Variants in DMAC2L observed in about 807,000 individuals in gnomAD.
DMAC2L encodes ATP synthase subunit s, mitochondrial.
DMAC2L carries 21 observed loss-of-function variants against 22.5 expected under a neutral mutation model. The ratio of observed to expected loss-of-function variants is 0.93; its 90% CI spans 0.66 to 1.34. The LOEUF (loss-of-function observed/expected upper bound fraction) is 1.34, where lower values mean the gene tolerates loss of function less well. Ranked by LOEUF, DMAC2L falls within the 40% of genes most tolerant of loss-of-function variation. DMAC2L has a pLI of 0.00. For synonymous variants in DMAC2L, 86 were observed against 89.5 expected (o/e 0.96, Z 0.22); for missense variants, 239 against 246.5 (o/e 0.97, Z 0.20).
In DMAC2L at chr14:50,312,386, C is replaced by G. The variant is rs2031302703; in HGVS notation, c.-45C>G. The stretch of plus-strand genomic sequence containing the variant: ...TCGCTCCCTCCCTCCCTCCCTCCGA[C>G]GCTGTGAGTAGAGAAGCTAGGCCCC... On this transcript the variant is annotated 5_prime_UTR_variant, in exon 1 of 6. Coordinates refer to ENST00000557421, the MANE Select transcript of DMAC2L (RefSeq NM_001382507.1). The G allele has an allele frequency of 3.4e-6, 2 of 593,608 alleles. No homozygotes were observed. Among genetic ancestry groups the G allele is most frequent in the Admixed American group, 3.0e-5 (1 of 33,350 alleles). 36.8% of individuals were successfully genotyped at this position (593,608 alleles called of 1,614,324 possible).
In DMAC2L at chr14:50,325,497, A is replaced by T. The variant is rs2032651128; in HGVS notation, c.489-112A>T. The T allele has an allele frequency of 3.8e-6, 5 of 1,298,902 alleles. No homozygotes were observed. The Admixed American group carries it at 8.0e-5, about 21-fold the overall frequency. 80.5% of individuals were successfully genotyped at this position (1,298,902 alleles called of 1,614,324 possible). A position where few individuals can be genotyped will look rare whatever the true frequency, so the allele number is the denominator to read the frequency against. Reference sequence around the variant, plus strand: ...CTGCTCTAAAAGTAATTTTGAAGGCATAGGGTGATATAGATTCATTTTCTA... The same window carrying T: ...CTGCTCTAAAAGTAATTTTGAAGGCTTAGGGTGATATAGATTCATTTTCTA... On this transcript the variant is annotated intron_variant, in intron 5 of 5. Coordinates refer to ENST00000557421, the MANE Select transcript of DMAC2L (RefSeq NM_001382507.1).
intron 4 of DMAC2L, 59 bp downstream of exon 4, chr14:50,322,778 T>C (rs1213843339): frequency 6.2e-7 from 1 of 1,608,654 alleles, no homozygotes; most frequent in African/African-American, 1.3e-5. Context: ...GACCATTTTG[T>C]TGCAGTTGAC....
At chr14:50,323,323 TCATGATCC>T in intron 4 of DMAC2L, among the ~76,000 whole-genome samples, 1 of 151,178 alleles carries the variant, frequency 6.6e-6, no homozygotes. Context: ...TCTCCTGACC[TCATGATCC>T]GCCTGCCTCG....
chr14:50,314,468 T>G, intron 1 of DMAC2L, 123 bp from the exon 2 acceptor site: 1 of 449,584 alleles, frequency 2.2e-6, no homozygotes, highest in Non-Finnish European at 4.5e-6. Context: ...CTAATACAAG[T>G]ACATTCAACT....
At chr14:50,325,064 G>A (rs1221806372) in intron 5 of DMAC2L, among the ~76,000 whole-genome samples, 1 of 152,216 alleles carries the variant, frequency 6.6e-6, no homozygotes, top group Non-Finnish European at 1.5e-5. Context: ...GTGAGCCACC[G>A]TGCCCGGCCT....
intron 5 of DMAC2L, 43 bp from the exon 6 acceptor site, chr14:50,325,566 A>G: frequency 6.5e-7 from 1 of 1,537,188 alleles, no homozygotes; most frequent in Non-Finnish European, 8.9e-7. Flanking sequence ...TTTATTTTTA[A>G]TGCTCTTGGC....
At chr14:50,318,279 A>G (rs915364178) in intron 2 of DMAC2L, among the ~76,000 whole-genome samples, 1 of 152,238 alleles carries the variant, frequency 6.6e-6, no homozygotes, top group African/African-American at 2.4e-5. Context: ...ATAATTTGCA[A>G]AATCATTAGC....
intron 1 of DMAC2L, 176 bp downstream of exon 1, chr14:50,312,565 T>C (rs533922488): frequency 4.2e-5 from 12 of 283,578 alleles, no homozygotes; most frequent in African/African-American, 2.5e-4. Flanking sequence ...GGGATTACGG[T>C]GAAAATTCTT....
intron 2 of DMAC2L, among the ~76,000 whole-genome samples, chr14:50,317,630 C>T (rs534016078): frequency 2.0e-5 from 3 of 152,090 alleles, no homozygotes; most frequent in Admixed American, 6.5e-5. Context: ...ATTAGCCGGA[C>T]GTGGTGGTGG....
In DMAC2L at chr14:50,326,320, G is replaced by A. The variant is rs1241279211; in HGVS notation, c.*597G>A. 2.8e-5 allele frequency: 17 copies of A among 609,314 alleles called. 1 individual carries two copies. The South Asian group carries it at 1.2e-3, about 42-fold the overall frequency. The allele number at this position is 609,314 out of a possible 1,614,324, so 37.7% of individuals were successfully genotyped here. On this transcript the variant is annotated 3_prime_UTR_variant, in exon 6 of 6. Coordinates refer to ENST00000557421, the MANE Select transcript of DMAC2L (RefSeq NM_001382507.1). ...AAATCTATAGATATCTCTTGATGTAGATATTTAGAATCCTTTAAAGTTATT... is the reference window on the plus strand; with the variant it reads ...AAATCTATAGATATCTCTTGATGTAAATATTTAGAATCCTTTAAAGTTATT...
At position 50,324,160 on chromosome 14, in the gene DMAC2L, G is replaced by A. The variant is rs148872136; in HGVS notation, c.488+44G>A. The A allele has an allele frequency of 6.3e-4, 959 of 1,533,092 alleles. 4 individuals carry two copies. The African/African-American group carries it at 0.012, about 19-fold the overall frequency. 95.0% of individuals were successfully genotyped at this position (1,533,092 alleles called of 1,614,324 possible). A position where few individuals can be genotyped will look rare whatever the true frequency, so the allele number is the denominator to read the frequency against. On this transcript the variant is annotated intron_variant, in intron 5 of 5. Coordinates refer to ENST00000557421, the MANE Select transcript of DMAC2L (RefSeq NM_001382507.1). ...AGTGGAAACTTGATAATGCTGTTAA[G>A]GTGAATAGTTAGAATTTAATTGACT...
At chr14:50,315,127 C>A (rs1050439794) in intron 2 of DMAC2L, among the ~76,000 whole-genome samples, 2 of 151,866 alleles carry the variant, frequency 1.3e-5, no homozygotes, top group African/African-American at 4.8e-5. Context: ...CCACTATGCC[C>A]GGCTAATTTT....
At chr14:50,323,291 G>A (rs1442689793) in intron 4 of DMAC2L, among the ~76,000 whole-genome samples, 5 of 151,200 alleles carry the variant, frequency 3.3e-5, no homozygotes, top group African/African-American at 7.3e-5. Context: ...GGGTTTCACC[G>A]TGTTAGCCAG....
At chr14:50,318,967 C>T in intron 2 of DMAC2L, 3 of 945,624 alleles carry the variant, frequency 3.2e-6, no homozygotes, top group Middle Eastern at 5.5e-4. Context: ...TTTGTCTTAC[C>T]ATTGTTGCCT....
intron 4 of DMAC2L, among the ~76,000 whole-genome samples, chr14:50,323,618 T>G (rs1248307436): frequency 6.6e-6 from 1 of 150,978 alleles, no homozygotes; most frequent in East Asian, 2.0e-4. Flanking sequence ...GGTCTTGAAT[T>G]CCCGACCTCA....
chr14:50,322,075 T>C (rs2032321972), intron 3 of DMAC2L, among the ~76,000 whole-genome samples: 1 of 152,214 alleles, frequency 6.6e-6, no homozygotes, highest in African/African-American at 2.4e-5. Context: ...AAAGCATATG[T>C]AGAAATTAAT....
At chr14:50,319,210 A>G (rs1162761604) in intron 2 of DMAC2L, 1 of 1,536,078 alleles carries the variant, frequency 6.5e-7, no homozygotes, top group South Asian at 1.2e-5. Flanking sequence ...GCGCTTTAAC[A>G]AAAAGTTGGA....
intron 2 of DMAC2L, 52 bp from the exon 3 acceptor site, chr14:50,321,431 A>T (rs2032262070): frequency 6.2e-7 from 1 of 1,605,274 alleles, no homozygotes; most frequent in South Asian, 1.1e-5. Context: ...AAGTTGCTAT[A>T]TGTATGGGAC....
At chr14:50,324,250 CT>C (rs2032522329) in intron 5 of DMAC2L, 134 bp downstream of exon 5, 3 of 923,726 alleles carry the variant, frequency 3.2e-6, no homozygotes, top group Non-Finnish European at 3.1e-6. Flanking sequence ...TCACTTTCAT[CT>C]GTAATATTTT....
Sources: gnomAD v4.1 joint callset for allele counts (sites outside exome capture counted in the v4.1 genomes callset) on GRCh38, gnomAD v4.1.1 for gene constraint, MANE v1.5 for transcripts, NCBI Gene and HGNC (gene_info 2026-07-23, HGNC 2026-07-21) for gene names.